RYR2: variants seen among roughly 807,000 people sequenced by gnomAD.
The protein encoded by RYR2 is ryanodine receptor 2, also known as cardiac muscle ryanodine receptor-calcium release channel.
A neutral mutation model predicts 601.1 loss-of-function variants in RYR2; 227 were observed. That is an observed-to-expected ratio of 0.38 (90% CI 0.34 to 0.42). The LOEUF is 0.42. Ranked by LOEUF, RYR2 falls within the 10% of genes least tolerant of loss-of-function variation. The pLI, the probability that RYR2 is intolerant of heterozygous loss-of-function variation, is 1.00. For synonymous variants in RYR2, 2,223 were observed against 2,175.1 expected (o/e 1.02, Z -0.61); for missense variants, 4,646 against 6,156.5 (o/e 0.75, Z 8.21).
intron 16 of RYR2, among the ~76,000 whole-genome samples, chr1:237,467,302 G>C (rs868037812): frequency 6.6e-6 from 1 of 150,908 alleles, no homozygotes; most frequent in Admixed American, 6.6e-5. Context: ...AAACTGAAAA[G>C]CATGAGTTAA....
chr1:237,402,943 A>C (rs1184585204), intron 10 of RYR2, among the ~76,000 whole-genome samples: 1 of 146,552 alleles, frequency 6.8e-6, no homozygotes, highest in African/African-American at 2.5e-5. Context: ...AGATTGGGAA[A>C]TATAGAAAAG....
intron 1 of RYR2, among the ~76,000 whole-genome samples, chr1:237,071,605 A>G (rs1309278835): frequency 6.6e-6 from 1 of 151,926 alleles, no homozygotes; most frequent in East Asian, 1.9e-4. Flanking sequence ...CCTGGAAAAA[A>G]CACTATAAAC....
chr1:237,690,026 G>A (rs918043564), intron 63 of RYR2, among the ~76,000 whole-genome samples: 3 of 151,870 alleles, frequency 2.0e-5, no homozygotes, highest in Non-Finnish European at 2.9e-5. Context: ...TAGTAGAAAC[G>A]GGGTTTCACC....
chr1:237,383,559 A>G (rs1180534431), intron 8 of RYR2, among the ~76,000 whole-genome samples: 6 of 149,888 alleles, frequency 4.0e-5, no homozygotes, highest in Non-Finnish European at 5.9e-5. Flanking sequence ...CCTCCTGAGT[A>G]GCTGGGACTG....
At chr1:237,602,352 A>T (rs911315572) in intron 35 of RYR2, among the ~76,000 whole-genome samples, 3 of 152,046 alleles carry the variant, frequency 2.0e-5, no homozygotes, top group African/African-American at 7.3e-5. Flanking sequence ...AGAAAAAAAA[A>T]TGCCGAGATT....
intron 12 of RYR2, among the ~76,000 whole-genome samples, chr1:237,423,986 A>G (rs1227880900): frequency 2.0e-5 from 3 of 152,108 alleles, no homozygotes; most frequent in Non-Finnish European, 2.9e-5. Flanking sequence ...TGAGAGAGAG[A>G]GCAGGAGAGT....
intron 101 of RYR2, among the ~76,000 whole-genome samples, chr1:237,820,200 A>AT (rs1274135186): frequency 6.6e-6 from 1 of 151,708 alleles, no homozygotes; most frequent in African/African-American, 2.4e-5. Context: ...AAAAAAAAAA[A>AT]AAAAAAAGGT....
At chr1:237,123,171 G>A (rs948798985) in intron 1 of RYR2, among the ~76,000 whole-genome samples, 18 of 152,270 alleles carry the variant, frequency 1.2e-4, no homozygotes, top group African/African-American at 4.1e-4. Flanking sequence ...TAGTGTTCCA[G>A]GGTATGCACA....
At chr1:237,724,287 A>G (rs529408541) in intron 74 of RYR2, among the ~76,000 whole-genome samples, 26 of 150,168 alleles carry the variant, frequency 1.7e-4, no homozygotes, top group Non-Finnish European at 2.8e-4. Context: ...GCCTTTAGCC[A>G]TATTTGAACA....
intron 25 of RYR2, among the ~76,000 whole-genome samples, chr1:237,536,714 CAAAAAAA>C (rs71561885): frequency 7.3e-5 from 4 of 54,424 alleles, no homozygotes; most frequent in South Asian, 7.6e-4. Context: ...GATTCCGTCT[CAAAAAAA>C]AAAAAAAAAA....
intron 12 of RYR2, among the ~76,000 whole-genome samples, chr1:237,428,271 A>T (rs1706406035): frequency 6.6e-6 from 1 of 152,244 alleles, no homozygotes; most frequent in African/African-American, 2.4e-5. Flanking sequence ...AAAGGAATAT[A>T]AATCAGTCTA....
At chr1:237,353,246 C>T (rs1015270711) in intron 3 of RYR2, among the ~76,000 whole-genome samples, 1 of 151,930 alleles carries the variant, frequency 6.6e-6, no homozygotes, top group Non-Finnish European at 1.5e-5. Flanking sequence ...TTTATGTGCC[C>T]TAAATTTGTA....
intron 63 of RYR2, among the ~76,000 whole-genome samples, chr1:237,692,082 G>C (rs1174443657): frequency 6.6e-6 from 1 of 152,198 alleles, no homozygotes; most frequent in African/African-American, 2.4e-5. Flanking sequence ...TGATAACTAA[G>C]AGTCCAACAG....
At chr1:237,146,357 C>T (rs1673999263) in intron 1 of RYR2, among the ~76,000 whole-genome samples, 1 of 152,278 alleles carries the variant, frequency 6.6e-6, no homozygotes, top group Non-Finnish European at 1.5e-5. Context: ...GGGGCACTGC[C>T]GAATTTAGCG....
chr1:237,136,660 A>G (rs566732784), intron 1 of RYR2, among the ~76,000 whole-genome samples: 44 of 152,290 alleles, frequency 2.9e-4, no homozygotes, highest in African/African-American at 8.7e-4. Context: ...CAAGCATACT[A>G]CAATGGGAAA....
At chr1:237,718,597 A>G in intron 73 of RYR2, 76 bp downstream of exon 73, 1 of 700,140 alleles carries the variant, frequency 1.4e-6, no homozygotes, top group South Asian at 2.1e-5. Flanking sequence ...AATACTATAA[A>G]TAATGTTACT....
At chr1:237,758,396 G>GA (rs1002456237) in intron 82 of RYR2, among the ~76,000 whole-genome samples, 4 of 151,338 alleles carry the variant, frequency 2.6e-5, no homozygotes, top group Admixed American at 6.6e-5. Context: ...CCCTTTGTTT[G>GA]AAAAAAAACA....
intron 81 of RYR2, among the ~76,000 whole-genome samples, 163 bp downstream of exon 81, chr1:237,756,550 C>T (rs1485588342): frequency 5.3e-5 from 8 of 152,030 alleles, no homozygotes; most frequent in Admixed American, 2.6e-4. Context: ...TCATTGTTTA[C>T]GGAGACCAAT....
chr1:237,427,800 A>C (rs928481250), intron 12 of RYR2, among the ~76,000 whole-genome samples: 2 of 148,620 alleles, frequency 1.3e-5, no homozygotes. Context: ...AAAAAAAAAA[A>C]AAAAAAAAAA....
Sources: gnomAD v4.1 joint callset for allele counts (sites outside exome capture counted in the v4.1 genomes callset) on GRCh38, gnomAD v4.1.1 for gene constraint, MANE v1.5 for transcripts, NCBI Gene and HGNC (gene_info 2026-07-23, HGNC 2026-07-21) for gene names.